PSD3: variants seen among roughly 807,000 people sequenced by gnomAD.
PSD3 encodes pleckstrin and Sec7 domain containing 3, also known as PH and SEC7 domain-containing protein 3.
In PSD3, 49 loss-of-function variants were observed where a neutral mutation model predicts 105.5. The ratio of observed to expected loss-of-function variants is 0.46; its 90% confidence interval spans 0.37 to 0.59. The LOEUF (loss-of-function observed/expected upper bound fraction) is 0.59. Among genes scored for constraint, PSD3 ranks in the 20% least tolerant of loss-of-function variants. PSD3 has a pLI of 0.00. For missense variants in PSD3, 1,561 were observed against 1,263.8 expected, an observed-to-expected ratio of 1.24 and a Z score of -3.57; for synonymous variants, 557 against 457.8, an observed-to-expected ratio of 1.22 and a Z score of -2.77.
intron 9 of PSD3, among the ~76,000 whole-genome samples, chr8:18,687,455 G>A (rs1800720228): frequency 6.6e-6 from 1 of 151,288 alleles, no homozygotes; most frequent in Admixed American, 6.6e-5. Context: ...GACACAGTGA[G>A]ATCCTGTCTC....
chr8:18,881,602 G>T (rs1305514604), intron 2 of PSD3, among the ~76,000 whole-genome samples: 2 of 152,152 alleles, frequency 1.3e-5, no homozygotes, highest in African/African-American at 4.8e-5. Flanking sequence ...CTCAGCAACA[G>T]GACATACGTT....
Position 18,600,304 on chromosome 8 carries a change from C to T in PSD3, c.2481+60G>A, listed in dbSNP as rs536761930. On this transcript the variant is annotated intron_variant, in intron 12 of 15. Coordinates refer to ENST00000327040, the MANE Select transcript of PSD3 (RefSeq NM_015310.4). Reference sequence around the variant, plus strand: ...AGGGAGACTACCGTACATACATATACTGGACCTCATGTAATTATTTCATCG... The same window carrying T: ...AGGGAGACTACCGTACATACATATATTGGACCTCATGTAATTATTTCATCG... The T allele has an allele frequency of 2.0e-4, 291 of 1,420,152 alleles. 5 individuals carry two copies. The South Asian group carries it at 3.3e-3, about 16-fold the overall frequency. The allele number at this position is 1,420,152 out of a possible 1,614,324, so 88.0% of individuals were successfully genotyped here.
At chr8:19,053,147 C>T (rs149138485) in intron 1 of PSD3, among the ~76,000 whole-genome samples, 56 of 152,214 alleles carry the variant, frequency 3.7e-4, no homozygotes, top group Middle Eastern at 3.4e-3. Flanking sequence ...TAAATTCAAT[C>T]AGACAGAAAT....
chr8:18,628,374 T>A (rs1046578197), intron 11 of PSD3, among the ~76,000 whole-genome samples: 1 of 150,520 alleles, frequency 6.6e-6, no homozygotes, highest in South Asian at 2.1e-4. Flanking sequence ...GGAACAAAGA[T>A]AAGAATGATA....
intron 1 of PSD3, among the ~76,000 whole-genome samples, chr8:19,060,158 T>C (rs1207522893): frequency 6.6e-6 from 1 of 152,196 alleles, no homozygotes; most frequent in Non-Finnish European, 1.5e-5. Context: ...TAACATCAGC[T>C]GAAGGAAATG....
rs117076161 is a variant in PSD3, at chr8:18,758,867, G to A, written c.2172+6582C>T. ...AGGTATCCTACATATTCTTGGAACT[G>A]TCTCCTAAGAGAATCTTGCCTAAAC... On this transcript the variant is annotated intron_variant, in intron 9 of 15. Coordinates refer to ENST00000327040, the MANE Select transcript of PSD3 (RefSeq NM_015310.4). Among the ~76,000 whole-genome samples the A allele has an allele frequency of 5.3e-4, 81 of 152,228 alleles. 3 individuals are homozygous for A. The East Asian group carries it at 0.014, about 27-fold the overall frequency.
At chr8:19,002,128 G>A (rs908616683) in intron 1 of PSD3, among the ~76,000 whole-genome samples, 17 of 151,990 alleles carry the variant, frequency 1.1e-4, no homozygotes, top group African/African-American at 3.6e-4. Flanking sequence ...ATCCCTTGAA[G>A]GCAAAATGAA....
chr8:18,760,695 T>G (rs909681883), intron 9 of PSD3, among the ~76,000 whole-genome samples: 1 of 152,222 alleles, frequency 6.6e-6, no homozygotes, highest in Non-Finnish European at 1.5e-5. Flanking sequence ...AAGGTTATTC[T>G]ACAGAGTGAA....
intron 15 of PSD3, among the ~76,000 whole-genome samples, chr8:18,547,974 T>C (rs991444489): frequency 2.6e-5 from 4 of 152,230 alleles, no homozygotes; most frequent in Admixed American, 2.0e-4. Flanking sequence ...ATCCTGTAGA[T>C]TTCTTTCTCC....
intron 15 of PSD3, among the ~76,000 whole-genome samples, chr8:18,541,648 G>C (rs930040695): frequency 1.3e-5 from 2 of 152,144 alleles, no homozygotes; most frequent in Non-Finnish European, 2.9e-5. Flanking sequence ...CTGAGGTATA[G>C]CCTGCCTTGC....
intron 2 of PSD3, among the ~76,000 whole-genome samples, chr8:18,925,662 C>T (rs1821317531): frequency 6.6e-6 from 1 of 152,034 alleles, no homozygotes; most frequent in Non-Finnish European, 1.5e-5. Flanking sequence ...TGGGTTTATT[C>T]AAGGACTACA....
intron 1 of PSD3, among the ~76,000 whole-genome samples, chr8:18,991,167 A>G (rs1825769480): frequency 6.6e-6 from 1 of 152,292 alleles, no homozygotes; most frequent in African/African-American, 2.4e-5. Flanking sequence ...TTAGCAAGTC[A>G]AATTTAATAC....
At chr8:18,775,721 G>A (rs1001409823) in intron 8 of PSD3, among the ~76,000 whole-genome samples, 3 of 152,012 alleles carry the variant, frequency 2.0e-5, no homozygotes, top group African/African-American at 4.8e-5. Context: ...ATATATTCTG[G>A]TTATTAATCC....
At chr8:18,851,247 T>C (rs966513540) in intron 4 of PSD3, among the ~76,000 whole-genome samples, 2 of 152,202 alleles carry the variant, frequency 1.3e-5, no homozygotes, top group Non-Finnish European at 2.9e-5. Flanking sequence ...CAAGGAAGTC[T>C]TACCCAAAGT....
intron 2 of PSD3, among the ~76,000 whole-genome samples, chr8:18,875,829 G>A (rs185673116): frequency 3.0e-4 from 46 of 152,248 alleles, no homozygotes; most frequent in African/African-American, 9.6e-4. Flanking sequence ...GAGCCATGGC[G>A]CCTGGCCATT....
In PSD3 at chr8:18,960,162, T is replaced by C. The variant is rs115213803; in HGVS notation, c.22-24020A>G. Among the ~76,000 whole-genome samples, 815 of 152,338 alleles carry C rather than the reference T, an allele frequency of 5.3e-3. 8 individuals carry two copies. The highest frequency in any genetic ancestry group is 0.019 in the African/African-American group (782 of 41,570). On this transcript the variant is annotated intron_variant, in intron 1 of 15. Coordinates refer to ENST00000327040, the MANE Select transcript of PSD3 (RefSeq NM_015310.4). ...TCTATCAAGAAAAACCGAGTCCCTG[T>C]CTAGCTCTCTGAATTCTCATCATTT...
At chr8:18,559,285 T>C (rs951722200) in intron 14 of PSD3, among the ~76,000 whole-genome samples, 1 of 152,228 alleles carries the variant, frequency 6.6e-6, no homozygotes, top group East Asian at 1.9e-4. Flanking sequence ...TGTGATGTTA[T>C]TATACTTGTA....
intron 6 of PSD3, 40 bp downstream of exon 6, chr8:18,804,482 T>C (rs1450119606): frequency 2.0e-6 from 3 of 1,503,696 alleles, no homozygotes; most frequent in African/African-American, 1.4e-5. Context: ...GAACTAATCA[T>C]TTGAAAGCAA....
chr8:18,984,505 TG>T (rs1244748083), intron 1 of PSD3, among the ~76,000 whole-genome samples: 4 of 152,026 alleles, frequency 2.6e-5, no homozygotes, highest in Non-Finnish European at 5.9e-5. Flanking sequence ...ACCAAAAAAA[TG>T]GGGCAGTAAT....
Sources: gnomAD v4.1 joint callset for allele counts (sites outside exome capture counted in the v4.1 genomes callset) on GRCh38, gnomAD v4.1.1 for gene constraint, MANE v1.5 for transcripts, NCBI Gene and HGNC (gene_info 2026-07-23, HGNC 2026-07-21) for gene names.